The following PHF21A variants were observed in gnomAD, a reference collection of about 807,000 sequenced individuals.
The protein encoded by PHF21A is BHC80a.
PHF21A carries 11 observed loss-of-function variants against 82.5 expected under a neutral mutation model. The ratio of observed to expected loss-of-function variants is 0.13; its 90% CI spans 0.08 to 0.22. PHF21A has a LOEUF of 0.22. PHF21A is among the 10% of genes least tolerant of loss of function. The pLI, the probability that PHF21A is intolerant of heterozygous loss-of-function variation, is 1.00. For synonymous variants in PHF21A, 297 were observed against 302.8 expected (o/e 0.98, Z 0.20); for missense variants, 579 against 837.8 (o/e 0.69, Z 3.81).
At chr11:46,008,489 G>A (rs1255810668) in intron 6 of PHF21A, among the ~76,000 whole-genome samples, 1 of 152,128 alleles carries the variant, frequency 6.6e-6, no homozygotes, top group African/African-American at 2.4e-5. Context: ...GTAGAGAAGT[G>A]CCAATGTCTT....
intron 1 of PHF21A, among the ~76,000 whole-genome samples, chr11:46,098,299 T>G (rs2097031544): frequency 6.6e-6 from 1 of 152,210 alleles, no homozygotes; most frequent in Non-Finnish European, 1.5e-5. Context: ...TTGTAGTGTC[T>G]AAGTTCTAAA....
At chr11:46,048,001 T>C (rs950773352) in intron 6 of PHF21A, among the ~76,000 whole-genome samples, 15 of 152,254 alleles carry the variant, frequency 9.9e-5, no homozygotes, top group Non-Finnish European at 2.1e-4. Context: ...ATACAATTCA[T>C]ATATCACACA....
intron 6 of PHF21A, among the ~76,000 whole-genome samples, chr11:46,035,257 T>G (rs963391143): frequency 2.6e-5 from 4 of 152,214 alleles, no homozygotes; most frequent in African/African-American, 9.6e-5. Context: ...TACCATTTCC[T>G]GAAAAAAATC....
intron 18 of PHF21A, chr11:45,935,332 T>C (rs913338289): frequency 3.8e-6 from 4 of 1,051,226 alleles, no homozygotes; most frequent in African/African-American, 3.2e-5. Flanking sequence ...CTGTCAGGAA[T>C]ACGCAGGGCC....
chr11:45,959,147 G>A (rs1274990170), intron 10 of PHF21A, among the ~76,000 whole-genome samples: 1 of 151,848 alleles, frequency 6.6e-6, no homozygotes, highest in Non-Finnish European at 1.5e-5. Context: ...CAGAACCAAG[G>A]GGGAAAAAAA....
In PHF21A at chr11:46,078,863, G is replaced by A. The variant is rs551537540; in HGVS notation, c.87+271C>T. On this transcript the variant is annotated intron_variant, in intron 5 of 18. Coordinates refer to ENST00000676320, the MANE Select transcript of PHF21A (RefSeq NM_001352027.3). ...GAAATGAATTTAAGCTATATGACAAGTATTAACTCAATATTTTTCTCTAAA... is the reference window on the plus strand; with the variant it reads ...GAAATGAATTTAAGCTATATGACAAATATTAACTCAATATTTTTCTCTAAA... Among the ~76,000 whole-genome samples the A allele has an allele frequency of 5.3e-5, 8 of 152,070 alleles. No homozygotes were observed. The South Asian group carries it at 8.3e-4, about 16-fold the overall frequency.
chr11:45,940,198 CTTT>C (rs111757512), intron 15 of PHF21A, among the ~76,000 whole-genome samples: 1 of 142,226 alleles, frequency 7.0e-6, no homozygotes. Context: ...TAATCTTTTT[CTTT>C]TTTTTTTTTT....
At position 45,935,654 on chromosome 11, in the gene PHF21A, C is replaced by G. The variant is rs762160490; in HGVS notation, c.1770G>C (p.Gln590His). 2.4e-5 allele frequency: 37 copies of G among 1,514,308 alleles called. No individual in the cohort carries two copies. The highest frequency in any genetic ancestry group is 3.3e-5 in the Non-Finnish European group (36 of 1,091,730). The allele number at this position is 1,514,308 out of a possible 1,614,324, so 93.8% of individuals were successfully genotyped here. ...TACTTACACTTATGGAATTGCTGAGCTGTTTCACCTTTTGCTCTAGTTGTT... is the reference window on the plus strand; with the variant it reads ...TACTTACACTTATGGAATTGCTGAGGTGTTTCACCTTTTGCTCTAGTTGTT... ...EREQLEQKVKQLSNSISKCME... is the reference protein window; with the variant it reads ...EREQLEQKVKHLSNSISKCME... Residue 590 changes from glutamine to histidine, a missense_variant, in exon 18 of 19, where the codon CAG becomes CAC. Transcript: ENST00000676320.
In PHF21A at chr11:45,932,340, G is replaced by A. The variant is rs1051163025; in HGVS notation, c.*1628C>T. The A allele has an allele frequency of 6.6e-6, 1 of 152,264 alleles. No individual in the cohort carries two copies. The highest frequency in any genetic ancestry group is 1.5e-5 in the Non-Finnish European group (1 of 68,056). The allele number at this position is 152,264 out of a possible 1,614,324, so 9.4% of individuals were successfully genotyped here. On this transcript the variant is annotated 3_prime_UTR_variant, in exon 19 of 19. Transcript: ENST00000676320. The surrounding 1 kb of genome is among the most constrained non-coding windows in gnomAD (Gnocchi z 4.3). The stretch of plus-strand genomic sequence containing the variant: ...CTAGCAGAATCTGAGAAGACCACGG[G>A]TAGGGCCCTGATACCATCCACGCTT...
At chr11:46,102,042 G>C (rs2097103055) in intron 1 of PHF21A, among the ~76,000 whole-genome samples, 1 of 151,996 alleles carries the variant, frequency 6.6e-6, no homozygotes, top group Admixed American at 6.6e-5. Context: ...ATTTTTAGTA[G>C]AGACAGGGTT....
intron 6 of PHF21A, among the ~76,000 whole-genome samples, chr11:46,056,071 G>GT (rs913167038): frequency 1.9e-4 from 29 of 151,862 alleles, no homozygotes; most frequent in African/African-American, 5.8e-4. Flanking sequence ...CATGTAACCT[G>GT]TTTTTTTTAA....
chr11:46,104,206 A>G lies in PHF21A; in HGVS notation c.-236-11983T>C, dbSNP rs144363809. On this transcript the variant is annotated intron_variant, in intron 1 of 18. Transcript: ENST00000676320. ...ACTTTTATATCTCTGGGGTTCTACA[A>G]TTGTTTCCACTAGTTGTTACACCCA... Among the ~76,000 whole-genome samples the G allele has an allele frequency of 2.0e-3, 304 of 152,340 alleles. 1 individual carries two copies. Among genetic ancestry groups the G allele is most frequent in the African/African-American group, 6.8e-3 (283 of 41,572 alleles).
intron 6 of PHF21A, among the ~76,000 whole-genome samples, chr11:45,991,242 C>T (rs1201963703): frequency 6.6e-6 from 1 of 151,824 alleles, no homozygotes; most frequent in Non-Finnish European, 1.5e-5. Context: ...AATAATATTG[C>T]ATTGTCTGAA....
At chr11:46,002,994 A>G (rs1205183543) in intron 6 of PHF21A, among the ~76,000 whole-genome samples, 1 of 152,224 alleles carries the variant, frequency 6.6e-6, no homozygotes, top group Non-Finnish European at 1.5e-5. Context: ...AAATTTTTCT[A>G]AAGATTGAAT....
intron 1 of PHF21A, among the ~76,000 whole-genome samples, chr11:46,100,339 A>G (rs901875963): frequency 2.0e-5 from 3 of 152,010 alleles, no homozygotes; most frequent in African/African-American, 7.2e-5. Context: ...ATGGGGTCCC[A>G]TTAGGCACCC....
intron 11 of PHF21A, among the ~76,000 whole-genome samples, chr11:45,953,298 T>C (rs1237719701): frequency 6.6e-6 from 1 of 152,248 alleles, no homozygotes; most frequent in Non-Finnish European, 1.5e-5. Context: ...ACTTTTCCTT[T>C]GATACAATCA....
chr11:45,998,457 T>C (rs1389260351), intron 6 of PHF21A, among the ~76,000 whole-genome samples: 2 of 152,230 alleles, frequency 1.3e-5, no homozygotes, highest in Non-Finnish European at 2.9e-5. Flanking sequence ...TTTAAGAAGT[T>C]TCCACATCTA....
intron 6 of PHF21A, among the ~76,000 whole-genome samples, chr11:46,035,452 T>C (rs906082836): frequency 1.3e-5 from 2 of 152,236 alleles, no homozygotes; most frequent in African/African-American, 4.8e-5. Flanking sequence ...TTAATGTACA[T>C]ATTCAGTACA....
chr11:46,059,228 G>A (rs2096500480), intron 6 of PHF21A, among the ~76,000 whole-genome samples: 1 of 151,946 alleles, frequency 6.6e-6, no homozygotes, highest in African/African-American at 2.4e-5. Flanking sequence ...AAAAAACTGG[G>A]AATAATTTAA....
Sources: gnomAD v4.1 joint callset for allele counts (sites outside exome capture counted in the v4.1 genomes callset) on GRCh38, gnomAD v4.1.1 for gene constraint, Gnocchi (gnomAD v3.1) non-coding constraint, MANE v1.5 for transcripts, NCBI Gene and HGNC (gene_info 2026-07-23, HGNC 2026-07-21) for gene names.